Variants in ULK4 observed in about 807,000 individuals in gnomAD.
ULK4 encodes unc-51 like kinase 4.
A neutral mutation model predicts 160.6 loss-of-function variants in ULK4; 133 were observed. That is an observed-to-expected ratio of 0.83 (90% CI 0.72 to 0.96). ULK4 has a LOEUF of 0.96. ULK4 is among the 40% of genes least tolerant of loss of function. The pLI is 0.00. For synonymous variants in ULK4, 534 were observed against 539.8 expected, an observed-to-expected ratio of 0.99 and a Z score of 0.15; for missense variants, 1,580 against 1,499.5, an observed-to-expected ratio of 1.05 and a Z score of -0.89.
At chr3:41,447,837 T>G (rs1359705364) in intron 34 of ULK4, among the ~76,000 whole-genome samples, 2 of 152,070 alleles carry the variant, frequency 1.3e-5, no homozygotes, top group African/African-American at 4.8e-5. Context: ...GGCTGCCCAA[T>G]GAATGTCAGG....
chr3:41,856,551 GTA>G (rs1172095341), intron 17 of ULK4, among the ~76,000 whole-genome samples: 2 of 44,438 alleles, frequency 4.5e-5, no homozygotes, highest in African/African-American at 1.4e-4. Flanking sequence ...ATATATATGT[GTA>G]TATATATACA....
chr3:41,254,147 C>T (rs2078789260), intron 35 of ULK4, among the ~76,000 whole-genome samples: 1 of 152,166 alleles, frequency 6.6e-6, no homozygotes, highest in Non-Finnish European at 1.5e-5. Context: ...CCACATGAAT[C>T]CTATTGACAT....
intron 32 of ULK4, among the ~76,000 whole-genome samples, chr3:41,480,231 T>C (rs1377698276): frequency 7.1e-6 from 1 of 140,946 alleles, no homozygotes; most frequent in Non-Finnish European, 1.5e-5. Context: ...AAAAAAAAAG[T>C]ATCATACAGA....
chr3:41,789,239 T>C (rs1434908337), intron 21 of ULK4, among the ~76,000 whole-genome samples: 1 of 152,176 alleles, frequency 6.6e-6, no homozygotes, highest in Non-Finnish European at 1.5e-5. Flanking sequence ...ATGGGGGCTC[T>C]ATAATTTCAA....
intron 17 of ULK4, among the ~76,000 whole-genome samples, chr3:41,848,187 AAACAACCTGTAACT>A (rs1307781865): frequency 6.6e-6 from 1 of 152,234 alleles, no homozygotes; most frequent in Non-Finnish European, 1.5e-5. Context: ...AAATGTAAAC[AAACAACCTGTAACT>A]GGTAGATTCC....
At chr3:41,408,856 G>C (rs936623346) in intron 34 of ULK4, among the ~76,000 whole-genome samples, 1 of 151,878 alleles carries the variant, frequency 6.6e-6, no homozygotes, top group Non-Finnish European at 1.5e-5. Flanking sequence ...TTCAATAGAG[G>C]GAAAATAGTA....
In ULK4 at chr3:41,911,672, A is replaced by G. The variant is rs1412210018; in HGVS notation, c.897-13T>C. The G allele has an allele frequency of 6.3e-7, 1 of 1,590,314 alleles. No individual in the cohort carries two copies. On this transcript the variant is annotated splice_polypyrimidine_tract_variant and intron_variant, in intron 9 of 36. Coordinates refer to ENST00000301831, the MANE Select transcript of ULK4 (RefSeq NM_017886.4). ...CATAGTGTTTCTGCTATTATTGGAG[A>G]AAACCAACACAATCAAACTTACTTT...
chr3:41,461,105 C>G (rs2083674156), intron 33 of ULK4, among the ~76,000 whole-genome samples: 1 of 152,170 alleles, frequency 6.6e-6, no homozygotes. Context: ...TGGGTAGGGA[C>G]TGAACTTCTG....
intron 35 of ULK4, among the ~76,000 whole-genome samples, chr3:41,337,212 T>C (rs1160601457): frequency 6.6e-6 from 1 of 152,222 alleles, no homozygotes; most frequent in African/African-American, 2.4e-5. Flanking sequence ...TATTTCTGGC[T>C]GCAAAGTATT....
intron 32 of ULK4, among the ~76,000 whole-genome samples, chr3:41,520,754 T>C (rs2085905518): frequency 6.6e-6 from 1 of 152,216 alleles, no homozygotes; most frequent in African/African-American, 2.4e-5. Context: ...AGTTATACTA[T>C]ACACTAGGTG....
rs557938943 is a variant in ULK4 at position 41,416,395 on chromosome 3, G to A, written c.3493-18131C>T. Among the ~76,000 whole-genome samples the A allele has an allele frequency of 5.3e-5, 8 of 152,250 alleles. No homozygotes were observed. In the South Asian group the frequency reaches 1.7e-3, roughly 32 times the overall value. On this transcript the variant is annotated intron_variant, in intron 34 of 36. Transcript: ENST00000301831. ...CAAGCACTGAGCAGAGCTTAACCTG[G>A]CAGGGACTCTCCTGGGTCCTCACCC...
At chr3:41,708,731 G>A (rs2036990370) in intron 25 of ULK4, among the ~76,000 whole-genome samples, 1 of 152,126 alleles carries the variant, frequency 6.6e-6, no homozygotes, top group South Asian at 2.1e-4. Context: ...ATTGGTAATA[G>A]ATTTCAAGTT....
At chr3:41,628,820 A>G (rs1385478022) in intron 30 of ULK4, among the ~76,000 whole-genome samples, 4 of 152,216 alleles carry the variant, frequency 2.6e-5, no homozygotes, top group African/African-American at 7.2e-5. Context: ...TGAAGGACAC[A>G]TGGAAATTCT....
chr3:41,918,592 A>ATTTTTTTTTT (rs1385996163), intron 6 of ULK4, 52 bp from the exon 7 acceptor site: 1 of 637,018 alleles, frequency 1.6e-6, no homozygotes, highest in African/African-American at 2.1e-5. Context: ...ATCACCAATA[A>ATTTTTTTTTT]TTCTTTTTTT....
chr3:41,723,730 G>A (rs974489391), intron 22 of ULK4, among the ~76,000 whole-genome samples: 4 of 152,222 alleles, frequency 2.6e-5, no homozygotes, highest in African/African-American at 9.6e-5. Context: ...CATCTGGACT[G>A]AGAAATAGCA....
intron 35 of ULK4, among the ~76,000 whole-genome samples, chr3:41,328,089 A>C (rs1223657757): frequency 6.6e-6 from 1 of 152,210 alleles, no homozygotes; most frequent in African/African-American, 2.4e-5. Context: ...AAATGATCTG[A>C]AGAGTGGAAC....
At chr3:41,481,388 G>A (rs2084315552) in intron 32 of ULK4, among the ~76,000 whole-genome samples, 1 of 152,134 alleles carries the variant, frequency 6.6e-6, no homozygotes, top group South Asian at 2.1e-4. Flanking sequence ...TCTTGAATAG[G>A]GTAAGGCTGA....
intron 30 of ULK4, among the ~76,000 whole-genome samples, chr3:41,620,815 G>A (rs996299805): frequency 6.6e-6 from 1 of 152,132 alleles, no homozygotes; most frequent in Non-Finnish European, 1.5e-5. Context: ...AGGAAGAGAG[G>A]AAGTCAAATT....
intron 35 of ULK4, among the ~76,000 whole-genome samples, chr3:41,306,061 C>T (rs1559515145): frequency 6.7e-6 from 1 of 148,978 alleles, no homozygotes; most frequent in Non-Finnish European, 1.5e-5. Context: ...CCTCTCCGCC[C>T]AGCAGCCACC....
Sources: allele counts gnomAD v4.1 joint callset (sites outside exome capture counted in the v4.1 genomes callset), GRCh38; gene constraint gnomAD v4.1.1; transcripts MANE v1.5; gene names NCBI Gene and HGNC (gene_info 2026-07-23, HGNC 2026-07-21).